The following ABL1 variants were observed in gnomAD, a reference collection of about 807,000 sequenced individuals.
ABL1 encodes tyrosine-protein kinase ABL1.
A neutral mutation model predicts 94.7 loss-of-function variants in ABL1; 11 were observed. The observed-to-expected ratio is 0.12, with a 90% CI of 0.07 to 0.19. The LOEUF (loss-of-function observed/expected upper bound fraction) is 0.19, where lower values mean the gene tolerates loss of function less well. Among genes scored for constraint, ABL1 ranks in the 10% least tolerant of loss-of-function variants. The pLI is 1.00. For missense variants in ABL1, 1,082 were observed against 1,489.4 expected (o/e 0.73, Z 4.50); for synonymous variants, 656 against 622.4 (o/e 1.05, Z -0.80).
chr9:130,806,907 T>C (rs1187892585), intron 1 of ABL1, among the ~76,000 whole-genome samples: 2 of 152,134 alleles, frequency 1.3e-5, no homozygotes, highest in South Asian at 2.1e-4. Flanking sequence ...TTCCAGCACT[T>C]TGGGAGGCCG....
chr9:130,840,844 A>G (rs1018247965), intron 1 of ABL1, among the ~76,000 whole-genome samples: 2 of 152,190 alleles, frequency 1.3e-5, no homozygotes, highest in South Asian at 2.1e-4. Context: ...AGTAGACAGC[A>G]TAATGAACTC....
intron 1 of ABL1, among the ~76,000 whole-genome samples, chr9:130,775,141 A>C (rs1466986762): frequency 5.9e-5 from 9 of 152,204 alleles, no homozygotes; most frequent in Non-Finnish European, 1.3e-4. Context: ...AGCTGGCAGA[A>C]GTCAATGCAT....
chr9:130,825,987 A>T (rs1830419744), intron 1 of ABL1, among the ~76,000 whole-genome samples: 1 of 152,192 alleles, frequency 6.6e-6, no homozygotes, highest in African/African-American at 2.4e-5. Flanking sequence ...AGTAGGTGTC[A>T]TGTCACAGGA....
At chr9:130,850,520 T>G (rs754293625) in intron 1 of ABL1, among the ~76,000 whole-genome samples, 13 of 152,214 alleles carry the variant, frequency 8.5e-5, no homozygotes, top group Non-Finnish European at 1.9e-4. Flanking sequence ...GTTTACTTAT[T>G]TTTTGAAATG....
intron 4 of ABL1, among the ~76,000 whole-genome samples, chr9:130,868,773 G>C (rs1402736970): frequency 6.6e-6 from 1 of 151,868 alleles, no homozygotes; most frequent in Non-Finnish European, 1.5e-5. Context: ...GCCTGTCTCG[G>C]CCCCCCAGAG....
intron 1 of ABL1, among the ~76,000 whole-genome samples, chr9:130,838,562 T>C (rs1027971067): frequency 2.1e-5 from 3 of 145,546 alleles, no homozygotes. Context: ...AAATACTGTG[T>C]GCACATATAA....
intron 1 of ABL1, among the ~76,000 whole-genome samples, chr9:130,730,261 C>T (rs1335112383): frequency 2.6e-5 from 4 of 151,738 alleles, no homozygotes; most frequent in South Asian, 2.1e-4. Context: ...AGGCTGGTCT[C>T]GAACGCCCAA....
At chr9:130,783,268 G>A (rs953415592) in intron 1 of ABL1, among the ~76,000 whole-genome samples, 3 of 152,126 alleles carry the variant, frequency 2.0e-5, no homozygotes, top group African/African-American at 7.2e-5. Context: ...TAAATCAATT[G>A]TGTGTTTTTT....
intron 7 of ABL1, among the ~76,000 whole-genome samples, 174 bp from the exon 8 acceptor site, chr9:130,878,241 G>A (rs971034913): frequency 1.3e-5 from 2 of 151,968 alleles, no homozygotes; most frequent in African/African-American, 2.4e-5. Context: ...GTGAGCCACC[G>A]CACCCAGCCT....
intron 1 of ABL1, among the ~76,000 whole-genome samples, chr9:130,764,659 A>G (rs528984453): frequency 6.6e-6 from 1 of 152,278 alleles, no homozygotes; most frequent in East Asian, 1.9e-4. Context: ...ATGTCACTTA[A>G]GAGGAGGCAA....
chr9:130,805,242 A>C (rs1830109158), intron 1 of ABL1, among the ~76,000 whole-genome samples: 1 of 151,934 alleles, frequency 6.6e-6, no homozygotes, highest in African/African-American at 2.4e-5. Flanking sequence ...ACTCCCATCT[A>C]ATTTGTTTTG....
intron 1 of ABL1, among the ~76,000 whole-genome samples, chr9:130,716,070 T>G (rs1407218056): frequency 7.8e-6 from 1 of 128,816 alleles, no homozygotes; most frequent in East Asian, 2.3e-4. Flanking sequence ...CTGAAAAATG[T>G]CCTTTTTTTT....
chr9:130,864,745 G>C (rs1323086879), intron 4 of ABL1, among the ~76,000 whole-genome samples: 1 of 152,152 alleles, frequency 6.6e-6, no homozygotes, highest in Non-Finnish European at 1.5e-5. Flanking sequence ...AGGAGGGACG[G>C]GGGAGCTGTG....
rs151086552 is a variant in ABL1 at position 130,872,963 on chromosome 9, C to T, written c.1011C>T (p.Ala337=). The stretch of plus-strand genomic sequence containing the variant: ...AGTGCAACCGGCAGGAGGTGAACGC[C>T]GTGGTGCTGCTGTACATGGCCACTC... The part of the protein sequence containing the change: ...LRECNRQEVN[A]VVLLYMATQI... Residue 337 remains alanine, a synonymous_variant, in exon 6 of 11, where the codon GCC becomes GCT. Transcript: ENST00000318560. The surrounding 1 kb of genome is among the most constrained non-coding windows in gnomAD (Gnocchi z 5.0). 1.5e-5 allele frequency: 25 copies of T among 1,614,052 alleles called. No individual in the cohort carries two copies. The highest frequency in any genetic ancestry group is 4.0e-5 in the African/African-American group (3 of 74,906).
chr9:130,718,167 A>G (rs1831468809), intron 1 of ABL1, among the ~76,000 whole-genome samples: 1 of 151,434 alleles, frequency 6.6e-6, no homozygotes, highest in Non-Finnish European at 1.5e-5. Context: ...AAAATACAAA[A>G]ATTAGATGGG....
At chr9:130,804,437 T>C (rs978902643) in intron 1 of ABL1, among the ~76,000 whole-genome samples, 2 of 151,686 alleles carry the variant, frequency 1.3e-5, no homozygotes, top group African/African-American at 2.4e-5. Flanking sequence ...AAATACAAAA[T>C]TAGTGGGCGT....
chr9:130,859,905 G>T (rs551695297), intron 3 of ABL1, among the ~76,000 whole-genome samples: 20 of 151,870 alleles, frequency 1.3e-4, no homozygotes, highest in East Asian at 3.9e-4. Flanking sequence ...GGTTTCGAAC[G>T]CCTGACCTCG....
intron 1 of ABL1, among the ~76,000 whole-genome samples, chr9:130,844,725 C>T (rs1304699363): frequency 1.3e-5 from 2 of 152,142 alleles, no homozygotes; most frequent in African/African-American, 4.8e-5. Flanking sequence ...CACTTGAACC[C>T]GGGAGGCGGA....
intron 1 of ABL1, among the ~76,000 whole-genome samples, chr9:130,769,071 T>G (rs1232328045): frequency 6.6e-6 from 1 of 152,188 alleles, no homozygotes; most frequent in African/African-American, 2.4e-5. Context: ...GGGGAATTTT[T>G]CACTCTTTAT....
Sources: allele counts gnomAD v4.1 joint callset (sites outside exome capture counted in the v4.1 genomes callset), GRCh38; gene constraint gnomAD v4.1.1; non-coding constraint Gnocchi (gnomAD v3.1); transcripts MANE v1.5; gene names NCBI Gene and HGNC (gene_info 2026-07-23, HGNC 2026-07-21).